MID1: variants seen among roughly 807,000 people sequenced by gnomAD.
The protein encoded by MID1 is E3 ubiquitin-protein ligase Midline-1.
MID1 carries 7 observed loss-of-function variants against 40.4 expected under a neutral mutation model. That is an observed-to-expected ratio of 0.17 (90% CI 0.10 to 0.33). MID1 has a LOEUF of 0.33. Among genes scored for constraint, MID1 ranks in the 10% least tolerant of loss-of-function variants. The probability of loss-of-function intolerance (pLI) is 1.00; values close to 1 mark genes in which losing one functional copy is unlikely to be tolerated. For synonymous variants in MID1, 229 were observed against 221.2 expected (o/e 1.04, Z -0.31); for missense variants, 367 against 558.5 (o/e 0.66, Z 3.46).
intron 1 of MID1, among the ~76,000 whole-genome samples, chrX:10,699,629 T>A (rs1334376832): frequency 1.8e-5 from 2 of 111,610 alleles, no homozygotes; most frequent in African/African-American, 6.5e-5. Context: ...AGTAATTATG[T>A]TGTACTTCTT....
intron 1 of MID1, among the ~76,000 whole-genome samples, chrX:10,794,310 T>C (rs1029292): frequency 0.1 from 11,227 of 111,850 alleles, 1,358 homozygotes; most frequent in African/African-American, 0.34. Flanking sequence ...AGTTTCAGCC[T>C]GAAGTGAGTT....
chrX:10,769,315 A>G (rs75684334), intron 1 of MID1, among the ~76,000 whole-genome samples: 1 of 111,400 alleles, frequency 9.0e-6, no homozygotes, highest in African/African-American at 3.3e-5. Flanking sequence ...CAAAAAAAAA[A>G]GCCCAGTAGG....
intron 1 of MID1, among the ~76,000 whole-genome samples, chrX:10,761,062 C>T (rs187370542): frequency 1.4e-3 from 156 of 111,628 alleles, no homozygotes; most frequent in African/African-American, 4.7e-3. Context: ...TGTATGAGTG[C>T]CTTAGAACAG....
At chrX:10,596,819 G>A (rs1346925926) in intron 1 of MID1, among the ~76,000 whole-genome samples, 1 of 112,195 alleles carries the variant, frequency 8.9e-6, no homozygotes, top group South Asian at 3.7e-4. Flanking sequence ...CCAAAACCCT[G>A]TTAGAAGAGA....
chrX:10,798,012 C>T (rs1462615576), intron 1 of MID1, among the ~76,000 whole-genome samples: 2 of 112,277 alleles, frequency 1.8e-5, no homozygotes, highest in Non-Finnish European at 3.8e-5. Flanking sequence ...GCAAACTCAG[C>T]TGCTGCTGTT....
intron 1 of MID1, among the ~76,000 whole-genome samples, chrX:10,702,308 G>A (rs1406729613): frequency 9.0e-6 from 1 of 111,700 alleles, no homozygotes; most frequent in Non-Finnish European, 1.9e-5. Flanking sequence ...TAGCTCACTG[G>A]CCTGAAAATG....
intron 1 of MID1, among the ~76,000 whole-genome samples, chrX:10,751,864 G>A (rs1254110641): frequency 9.0e-6 from 1 of 111,660 alleles, no homozygotes; most frequent in Non-Finnish European, 1.9e-5. Context: ...GGATCATGCG[G>A]GTGGATCACT....
intron 5 of MID1, among the ~76,000 whole-genome samples, chrX:10,477,040 C>T (rs767264088): frequency 8.9e-6 from 1 of 112,319 alleles, no homozygotes; most frequent in Non-Finnish European, 1.9e-5. Context: ...TATATGCATT[C>T]GATGCAGAAA....
At chrX:10,815,018 G>T (rs779881156) in intron 1 of MID1, among the ~76,000 whole-genome samples, 2 of 111,793 alleles carry the variant, frequency 1.8e-5, no homozygotes, top group Admixed American at 1.9e-4. Context: ...TTGTGTGCAG[G>T]TTTTTTGTGA....
At chrX:10,623,083 C>CAAAAAAAAAAAAAAAAAAA (rs763054366), upstream of MID1, among the ~76,000 whole-genome samples, 3 of 32,510 alleles carry the variant, frequency 9.2e-5, no homozygotes, top group Non-Finnish European at 1.3e-4. Context: ...GCTGTCTCTA[C>CAAAAAAAAAAAAAAAAAAA]AAAAAAAAAA....
intron 3 of MID1, among the ~76,000 whole-genome samples, chrX:10,516,612 G>A (rs894093846): frequency 1.7e-3 from 104 of 60,120 alleles, no homozygotes; most frequent in South Asian, 5.3e-3. Flanking sequence ...GTGTGTGTGC[G>A]CGCGCGCACG....
intron 1 of MID1, among the ~76,000 whole-genome samples, chrX:10,642,910 G>A (rs1346597335): frequency 2.7e-5 from 3 of 111,149 alleles, no homozygotes; most frequent in African/African-American, 6.6e-5. Flanking sequence ...ACAAGAAATG[G>A]GGAAAAGATT....
intron 2 of MID1, among the ~76,000 whole-genome samples, chrX:10,533,380 A>AAAGAAAGAAAGAAAG (rs1569089825): frequency 1.7e-5 from 1 of 60,297 alleles, no homozygotes; most frequent in East Asian, 6.4e-4. Context: ...AAGAAAGAAA[A>AAAGAAAGAAAGAAAG]AGAAAGAAAG....
intron 3 of MID1, among the ~76,000 whole-genome samples, chrX:10,513,091 T>G: frequency 8.9e-6 from 1 of 112,665 alleles, no homozygotes; most frequent in Admixed American, 9.4e-5. Context: ...ACAAAGCTCT[T>G]CATTTTTTCC....
chrX:10,830,667 T>C (rs184411511), intron 1 of MID1, among the ~76,000 whole-genome samples: 7 of 112,079 alleles, frequency 6.2e-5, no homozygotes, highest in Admixed American at 3.8e-4. Context: ...GCCATATTAG[T>C]GGTGGGAGAA....
At chrX:10,755,605 C>T (rs976055445) in intron 1 of MID1, among the ~76,000 whole-genome samples, 6 of 112,132 alleles carry the variant, frequency 5.4e-5, no homozygotes, top group Non-Finnish European at 1.1e-4. Context: ...GGGTCGTTAT[C>T]GACAGCATAA....
chrX:10,595,244 G>A (rs59470098), intron 1 of MID1, among the ~76,000 whole-genome samples: 1,655 of 111,582 alleles, frequency 0.015, 34 homozygotes, highest in African/African-American at 0.051. Context: ...AGACACACCC[G>A]CATATTCATG....
intron 2 of MID1, among the ~76,000 whole-genome samples, chrX:10,546,917 C>G (rs1193325235): frequency 8.9e-6 from 1 of 112,529 alleles, no homozygotes; most frequent in East Asian, 2.8e-4. Context: ...TTGAAGAAGA[C>G]AGAACATGCA....
intron 1 of MID1, among the ~76,000 whole-genome samples, chrX:10,720,888 G>A (rs2043348026): frequency 9.1e-6 from 1 of 109,872 alleles, no homozygotes; most frequent in African/African-American, 3.3e-5. Context: ...ATGAGTTCAT[G>A]TCCTTTGTAG....
Sources: allele counts gnomAD v4.1 joint callset (sites outside exome capture counted in the v4.1 genomes callset), GRCh38; gene constraint gnomAD v4.1.1; transcripts MANE v1.5; gene names NCBI Gene and HGNC (gene_info 2026-07-23, HGNC 2026-07-21).